The following CASQ2 variants were observed in gnomAD, a reference collection of about 807,000 sequenced individuals.
The protein encoded by CASQ2 is calsequestrin 2, also known as calsequestrin-2.
A neutral mutation model predicts 46.5 loss-of-function variants in CASQ2; 49 were observed. That is an observed-to-expected ratio of 1.05 (90% CI 0.84 to 1.34). CASQ2 has a LOEUF of 1.34. Among genes scored for constraint, CASQ2 ranks in the 40% most tolerant of loss-of-function variants. The pLI is 0.00. For missense variants in CASQ2, 486 were observed against 481.3 expected (o/e 1.01, Z -0.09); for synonymous variants, 174 against 168.5 (o/e 1.03, Z -0.25).
intron 7 of CASQ2, among the ~76,000 whole-genome samples, chr1:115,722,673 T>C (rs962068432): frequency 6.6e-6 from 1 of 152,130 alleles, no homozygotes; most frequent in Non-Finnish European, 1.5e-5. Context: ...AGAACATCAA[T>C]AATGACTCTC....
chr1:115,747,502 T>C (rs922081677), intron 1 of CASQ2, among the ~76,000 whole-genome samples: 4 of 152,172 alleles, frequency 2.6e-5, no homozygotes, highest in African/African-American at 9.6e-5. Flanking sequence ...ATCTTGTTTA[T>C]ACACAAAAAA....
At chr1:115,745,741 T>C (rs1648364699) in intron 1 of CASQ2, among the ~76,000 whole-genome samples, 1 of 139,392 alleles carries the variant, frequency 7.2e-6, no homozygotes, top group African/African-American at 2.5e-5. Flanking sequence ...GAAATATTAA[T>C]ACTACTTTTT....
intron 1 of CASQ2, among the ~76,000 whole-genome samples, chr1:115,757,509 C>T (rs981269133): frequency 6.6e-5 from 10 of 152,272 alleles, no homozygotes; most frequent in African/African-American, 2.4e-4. Flanking sequence ...GTTGCTATTC[C>T]CTCCCCAGCG....
At chr1:115,722,803 T>G (rs1647423324) in intron 7 of CASQ2, among the ~76,000 whole-genome samples, 1 of 152,086 alleles carries the variant, frequency 6.6e-6, no homozygotes, top group Non-Finnish European at 1.5e-5. Context: ...ATCCCAGCAC[T>G]TTGGGAGGCC....
At chr1:115,753,942 A>G (rs1648670148) in intron 1 of CASQ2, among the ~76,000 whole-genome samples, 1 of 152,104 alleles carries the variant, frequency 6.6e-6, no homozygotes, top group African/African-American at 2.4e-5. Flanking sequence ...CTCTGCTCCA[A>G]GTGAATGTCC....
chr1:115,733,717 G>A (rs953590121), intron 4 of CASQ2, among the ~76,000 whole-genome samples: 2 of 151,796 alleles, frequency 1.3e-5, no homozygotes, highest in African/African-American at 2.4e-5. Context: ...GGTAATTGTG[G>A]TGGTGGTGGT....
chr1:115,747,974 C>T (rs528095022), intron 1 of CASQ2, among the ~76,000 whole-genome samples: 5 of 152,256 alleles, frequency 3.3e-5, no homozygotes, highest in Admixed American at 6.5e-5. Flanking sequence ...GAACTTCTAG[C>T]ACTATTTTGA....
chr1:115,711,296 G>A (rs1050432300), intron 8 of CASQ2, among the ~76,000 whole-genome samples: 6 of 152,150 alleles, frequency 3.9e-5, no homozygotes, highest in African/African-American at 1.2e-4. Context: ...CAGGTGGACA[G>A]ATAAACGGCC....
At chr1:115,734,065 G>A (rs988092414) in intron 4 of CASQ2, among the ~76,000 whole-genome samples, 1 of 152,206 alleles carries the variant, frequency 6.6e-6, no homozygotes, top group African/African-American at 2.4e-5. Flanking sequence ...TGAGAGAGGG[G>A]TTGGAAAGTC....
chr1:115,759,153 C>G (rs1323145723), intron 1 of CASQ2, among the ~76,000 whole-genome samples: 1 of 152,178 alleles, frequency 6.6e-6, no homozygotes, highest in Non-Finnish European at 1.5e-5. Context: ...GACACTGGGG[C>G]CATTCCATCT....
intron 1 of CASQ2, among the ~76,000 whole-genome samples, chr1:115,750,688 TG>T (rs1648550703): frequency 6.6e-6 from 1 of 152,170 alleles, no homozygotes; most frequent in Non-Finnish European, 1.5e-5. Context: ...GTCTAAGTTT[TG>T]TCGAGATAGG....
At chr1:115,738,052 T>C (rs1648025531) in intron 4 of CASQ2, among the ~76,000 whole-genome samples, 172 bp downstream of exon 4, 1 of 152,216 alleles carries the variant, frequency 6.6e-6, no homozygotes, top group African/African-American at 2.4e-5. Flanking sequence ...CCTGACTGTT[T>C]TGTACAATTT....
chr1:115,701,726 G>T (rs1654211372), intron 10 of CASQ2, among the ~76,000 whole-genome samples: 1 of 152,200 alleles, frequency 6.6e-6, no homozygotes, highest in Non-Finnish European at 1.5e-5. Flanking sequence ...GGTTGGGTCA[G>T]GGGAGTAGGA....
intron 1 of CASQ2, among the ~76,000 whole-genome samples, chr1:115,754,326 G>A (rs978128108): frequency 1.3e-5 from 2 of 152,106 alleles, no homozygotes; most frequent in Non-Finnish European, 2.9e-5. Flanking sequence ...GCTGTTGATT[G>A]TTTTTATTGG....
At chr1:115,738,130 G>T (rs1648027208) in intron 4 of CASQ2, 94 bp downstream of exon 4, 3 of 801,132 alleles carry the variant, frequency 3.7e-6, no homozygotes, top group Admixed American at 1.7e-5. Context: ...AGCAAAAGAG[G>T]TGCTGAAGAC....
intron 1 of CASQ2, among the ~76,000 whole-genome samples, chr1:115,765,021 GAGAGCCATC>G (rs1280404049): frequency 1.3e-5 from 2 of 152,132 alleles, no homozygotes; most frequent in Admixed American, 1.3e-4. Flanking sequence ...AAAAATACTT[GAGAGCCATC>G]AGAATATTTG....
At chr1:115,727,362 G>A (rs370278983) in intron 5 of CASQ2, among the ~76,000 whole-genome samples, 2 of 152,160 alleles carry the variant, frequency 1.3e-5, no homozygotes, top group Non-Finnish European at 2.9e-5. Context: ...AATGAGGGTC[G>A]GGCAGGGGCA....
chr1:115,752,572 A>G (rs1003964385), intron 1 of CASQ2, among the ~76,000 whole-genome samples: 4 of 152,166 alleles, frequency 2.6e-5, no homozygotes, highest in Non-Finnish European at 5.9e-5. Flanking sequence ...AAGAAATGGT[A>G]TAAGAAAAGG....
rs1379718144 is a variant in CASQ2 at position 115,705,240 on chromosome 1, G to A, written c.891C>T (p.Asp297=). 4 of 1,613,972 alleles carry A rather than the reference G, an allele frequency of 2.5e-6. No homozygotes were observed. The African/African-American group carries it at 5.3e-5, about 22-fold the overall frequency. The stretch of plus-strand genomic sequence containing the variant: ...TCCACAGGATGCTCAGATCGGGGTT[G>A]TCAGTATTGTCCCGGGCAACCTGTT... ...ILKQVARDNT[D]NPDLSILWID... Residue 297 remains aspartate, a synonymous_variant, in exon 9 of 11, where the codon GAC becomes GAT. Coordinates refer to ENST00000261448, the MANE Select transcript of CASQ2 (RefSeq NM_001232.4).
Sources: allele counts gnomAD v4.1 joint callset (sites outside exome capture counted in the v4.1 genomes callset), GRCh38; gene constraint gnomAD v4.1.1; transcripts MANE v1.5; gene names NCBI Gene and HGNC (gene_info 2026-07-23, HGNC 2026-07-21).